Variants in LOC400499 observed in about 807,000 individuals in gnomAD.
the LOC400499 span, among the ~76,000 whole-genome samples, chr16:11,374,029 T>A: frequency 6.6e-6 from 1 of 152,228 alleles, no homozygotes; most frequent in Non-Finnish European, 1.5e-5. Flanking sequence ...TTTTCAGATA[T>A]ATAATTTTCA....
the LOC400499 span, among the ~76,000 whole-genome samples, chr16:11,497,643 C>T: frequency 3.3e-5 from 5 of 152,306 alleles, no homozygotes; most frequent in Admixed American, 1.3e-4. Flanking sequence ...GAGCCACTTC[C>T]GGTGGCCCTG....
the LOC400499 span, chr16:11,516,118 C>A: frequency 2.8e-5 from 11 of 399,572 alleles, no homozygotes; most frequent in African/African-American, 6.2e-5. Flanking sequence ...TACCCCCTAC[C>A]CCCTTCCCAT....
the LOC400499 span, chr16:11,469,478 G>A: frequency 1.5e-5 from 6 of 398,972 alleles, no homozygotes; most frequent in African/African-American, 2.1e-5. Context: ...AGTGAGGGGC[G>A]CAGTGAGCAG....
chr16:11,455,522 C>T, the LOC400499 span, among the ~76,000 whole-genome samples: 7 of 151,890 alleles, frequency 4.6e-5, no homozygotes, highest in African/African-American at 1.7e-4. Flanking sequence ...ATCACTTGAG[C>T]TCAGGAGTTC....
chr16:11,464,850 C>T, the LOC400499 span, among the ~76,000 whole-genome samples: 114,529 of 152,128 alleles, frequency 0.75, 43,709 homozygotes, highest in Admixed American at 0.8. Flanking sequence ...TCCGTGCTTG[C>T]ACATTTAGCA....
chr16:11,496,716 G>A, the LOC400499 span, among the ~76,000 whole-genome samples: 1 of 152,148 alleles, frequency 6.6e-6, no homozygotes, highest in African/African-American at 2.4e-5. Flanking sequence ...ACAGCCCAGT[G>A]TGTCTTGGTG....
the LOC400499 span, chr16:11,470,784 G>C: frequency 6.6e-6 from 1 of 152,456 alleles, no homozygotes; most frequent in African/African-American, 2.4e-5. Context: ...GCCCTGACCG[G>C]GATGCTGGTC....
At chr16:11,512,041 C>G in the LOC400499 span, among the ~76,000 whole-genome samples, 2 of 152,062 alleles carry the variant, frequency 1.3e-5, no homozygotes, top group African/African-American at 4.8e-5. Flanking sequence ...GTAATCCCAG[C>G]ACTTTGGGAG....
At chr16:11,478,370 G>A in the LOC400499 span, among the ~76,000 whole-genome samples, 1 of 152,080 alleles carries the variant, frequency 6.6e-6, no homozygotes, top group Non-Finnish European at 1.5e-5. Flanking sequence ...TTTCACAGAT[G>A]CAGAAACTAA....
the LOC400499 span, among the ~76,000 whole-genome samples, chr16:11,440,488 G>A: frequency 6.6e-6 from 1 of 152,206 alleles, no homozygotes; most frequent in Non-Finnish European, 1.5e-5. Context: ...ATGGAGCAGA[G>A]CCACGCTGAA....
chr16:11,483,667 A>G, the LOC400499 span, among the ~76,000 whole-genome samples: 749 of 151,504 alleles, frequency 4.9e-3, 12 homozygotes, highest in African/African-American at 0.017. Flanking sequence ...GGAGGTTGAT[A>G]CCAGCCTGGG....
chr16:11,417,081 C>T, the LOC400499 span, among the ~76,000 whole-genome samples: 5 of 151,600 alleles, frequency 3.3e-5, no homozygotes, highest in Non-Finnish European at 5.9e-5. Context: ...ATGGGTTGAA[C>T]CGTGTCCCCC....
At chr16:11,432,910 T>A in the LOC400499 span, among the ~76,000 whole-genome samples, 1 of 152,202 alleles carries the variant, frequency 6.6e-6, no homozygotes, top group Non-Finnish European at 1.5e-5. Flanking sequence ...TGGCATGAAT[T>A]TTGTTTACTG....
the LOC400499 span, chr16:11,384,738 G>A: frequency 2.5e-5 from 15 of 609,544 alleles, no homozygotes; most frequent in Non-Finnish European, 3.1e-5. Flanking sequence ...GCTAGATGAG[G>A]AGTTGAGGGC....
At chr16:11,407,393 C>T in the LOC400499 span, 1 of 397,874 alleles carries the variant, frequency 2.5e-6, no homozygotes, top group Non-Finnish European at 4.4e-6. Flanking sequence ...CTCATCAGGG[C>T]TCTGATGGAA....
At chr16:11,460,326 G>A in the LOC400499 span, 1 of 1,048,848 alleles carries the variant, frequency 9.5e-7, no homozygotes, top group Non-Finnish European at 1.3e-6. Context: ...ACATAAGACT[G>A]AGACTGAAGT....
At chr16:11,516,385 T>A in the LOC400499 span, 2 of 398,220 alleles carry the variant, frequency 5.0e-6, no homozygotes, top group Non-Finnish European at 8.8e-6. Context: ...GGCCACAGCA[T>A]CCCTGCCTTC....
chr16:11,492,467 G>A, the LOC400499 span, among the ~76,000 whole-genome samples: 1 of 152,074 alleles, frequency 6.6e-6, no homozygotes, highest in Non-Finnish European at 1.5e-5. Flanking sequence ...CAGTCAATGA[G>A]ATTAGCATGT....
chr16:11,409,450 G>A, the LOC400499 span, among the ~76,000 whole-genome samples: 12 of 152,050 alleles, frequency 7.9e-5, no homozygotes, highest in Non-Finnish European at 2.9e-5. Flanking sequence ...AGCTGCTTTT[G>A]TGTTACAGTG....
Sources: allele counts gnomAD v4.1 joint callset (sites outside exome capture counted in the v4.1 genomes callset), GRCh38; gene constraint gnomAD v4.1.1; transcripts MANE v1.5.